Variants in CCDC47 observed in about 807,000 individuals in gnomAD.
The protein encoded by CCDC47 is coiled-coil domain containing 47, also known as PAT complex subunit CCDC47.
Under a neutral mutation model 60.5 loss-of-function variants are expected in CCDC47, and 41 were observed. That is an observed-to-expected ratio of 0.68 (90% CI 0.53 to 0.88). The LOEUF (loss-of-function observed/expected upper bound fraction) is 0.88. CCDC47 is among the 40% of genes least tolerant of loss of function. The probability of loss-of-function intolerance (pLI) is 0.00; values close to 1 mark genes in which losing one functional copy is unlikely to be tolerated. For missense variants in CCDC47, 513 were observed against 580.9 expected (o/e 0.88, Z 1.20); for synonymous variants, 195 against 190.7 (o/e 1.02, Z -0.18).
chr17:63,749,153 T>C (rs2039142971), intron 12 of CCDC47, among the ~76,000 whole-genome samples: 1 of 151,886 alleles, frequency 6.6e-6, no homozygotes, highest in Non-Finnish European at 1.5e-5. Context: ...ACGCCTGTAA[T>C]CCCAGCACTT....
chr17:63,746,704 G>C lies in CCDC47; in HGVS notation c.*177C>G, dbSNP rs1598303412. The stretch of plus-strand genomic sequence containing the variant: ...ATTCTTGAAACAGAGCCCTTTCCAG[G>C]TATCTTCAATCTCTGTAAAACCCCA... On this transcript the variant is annotated 3_prime_UTR_variant, in exon 13 of 13. Transcript: ENST00000225726. 1 of 472,340 alleles carries C rather than the reference G, an allele frequency of 2.1e-6. No homozygotes were observed. Among genetic ancestry groups the C allele is most frequent in the East Asian group, 3.1e-5 (1 of 31,996 alleles). The allele number at this position is 472,340 out of a possible 1,614,324, so 29.3% of individuals were successfully genotyped here. A position where few individuals can be genotyped will look rare whatever the true frequency, so the allele number is the denominator to read the frequency against.
chr17:63,764,828 TC>T lies in CCDC47; in HGVS notation c.283del (p.Glu95AsnfsTer26). 5 of 1,612,988 alleles carry T rather than the reference TC, an allele frequency of 3.1e-6. No individual in the cohort carries two copies. The highest frequency in any genetic ancestry group is 4.2e-6 in the Non-Finnish European group (5 of 1,179,682). ...TTCAAATTCTTCATCATCATATGGT[TC>T]ACTCTCAGTATCTCCCTCCTACAAA... is the stretch of plus-strand genomic sequence containing the variant. ...ADTQEGDTES[E>X]PYDDEEFEGY... On this transcript the variant is annotated frameshift_variant, in exon 3 of 13. Transcript: ENST00000225726. LOFTEE classifies it high-confidence loss of function.
chr17:63,758,063 A>C (rs999647135), intron 6 of CCDC47, among the ~76,000 whole-genome samples: 1 of 151,270 alleles, frequency 6.6e-6, no homozygotes, highest in Non-Finnish European at 1.5e-5. Context: ...TGGTGTGCTC[A>C]GGGAGGGCAT....
In CCDC47 at chr17:63,746,888, G is replaced by A. The variant is rs2039124294; in HGVS notation, c.1445C>T (p.Ala482Val). 2 of 1,612,994 alleles carry A rather than the reference G, an allele frequency of 1.2e-6. No homozygotes were observed. The highest frequency in any genetic ancestry group is 1.7e-6 in the Non-Finnish European group (2 of 1,179,180). ...QMKMKQIKVK[A>V]M ...CAAATCTCTGGGATGGCTTTACATGGCTTTCACTTTGATTTGTTTCATTTT... is the reference window on the plus strand; with the variant it reads ...CAAATCTCTGGGATGGCTTTACATGACTTTCACTTTGATTTGTTTCATTTT... The change falls in exon 13 of 13, where the codon GCC becomes GTC. Residue 482 changes from alanine to valine, a missense_variant. Coordinates refer to ENST00000225726, the MANE Select transcript of CCDC47 (RefSeq NM_020198.3).
In CCDC47 at chr17:63,756,497, A is replaced by G; in HGVS notation, c.809T>C (p.Val270Ala). ...VFAVGTRKAL[V>A]RLQKEMQDLS... ...ATCCTGCATCTCTTTCTGTAGTCGC[A>G]CCAAGGCTTTCCGTGTGCCAACAGC... The change falls in exon 7 of 13, where the codon GTG becomes GCG. Residue 270 changes from valine to alanine, a missense_variant. Val to Ala is a moderately conservative substitution (Grantham distance 64, BLOSUM62 0). Transcript: ENST00000225726. The G allele has an allele frequency of 6.2e-7, 1 of 1,614,112 alleles. No homozygotes were observed. Among genetic ancestry groups the G allele is most frequent in the Non-Finnish European group, 8.5e-7 (1 of 1,179,932 alleles).
chr17:63,763,952 GA>G, intron 4 of CCDC47, 63 bp downstream of exon 4: 1 of 1,346,600 alleles, frequency 7.4e-7, no homozygotes. Context: ...ATACTGAGGG[GA>G]ATACATCATC....
intron 12 of CCDC47, 135 bp from the exon 13 acceptor site, chr17:63,747,096 C>A: frequency 7.2e-7 from 1 of 1,384,666 alleles, no homozygotes; most frequent in Non-Finnish European, 9.4e-7. Flanking sequence ...TAGGCTTGCA[C>A]CATAACATTC....
rs781702378 is a variant in CCDC47 at position 63,770,998 on chromosome 17, AAG to A, written c.-20+2412_-20+2413del. Among the ~76,000 whole-genome samples the A allele has an allele frequency of 1.1e-3, 81 of 75,092 alleles. 7 individuals carry two copies. The highest frequency in any genetic ancestry group is 6.8e-3 in the Middle Eastern group (1 of 146). 49.3% of individuals were successfully genotyped at this position (75,092 alleles called of 152,430 possible). A position where few individuals can be genotyped will look rare whatever the true frequency, so the allele number is the denominator to read the frequency against. ...GCGAGACTGTGTCAAAAAAAAAAAA[AAG>A]AAAGAAAGAAAGAAAGGAAGGAAGG... On this transcript the variant is annotated intron_variant, in intron 1 of 12. Coordinates refer to ENST00000225726, the MANE Select transcript of CCDC47 (RefSeq NM_020198.3).
chr17:63,750,881 C>A (rs1023587629), intron 12 of CCDC47, among the ~76,000 whole-genome samples: 8 of 151,496 alleles, frequency 5.3e-5, no homozygotes, highest in African/African-American at 1.9e-4. Flanking sequence ...GCCACCACGC[C>A]CGGCCTGTCC....
chr17:63,752,188 A>C, intron 11 of CCDC47, 81 bp from the exon 12 acceptor site: 1 of 1,522,898 alleles, frequency 6.6e-7, no homozygotes, highest in South Asian at 1.2e-5. Flanking sequence ...TTCTTTCATA[A>C]AACTACTCCC....
chr17:63,759,577 A>AT lies in CCDC47; in HGVS notation c.735+1336_735+1337insA, dbSNP rs34641007. Among the ~76,000 whole-genome samples the AT allele has an allele frequency of 2.7e-4, 29 of 107,648 alleles. 1 individual carries two copies. The highest frequency in any genetic ancestry group is 4.5e-4 in the Non-Finnish European group (24 of 53,818). 70.6% of individuals were successfully genotyped at this position (107,648 alleles called of 152,430 possible). A position where few individuals can be genotyped will look rare whatever the true frequency, so the allele number is the denominator to read the frequency against. Reference sequence around the variant, plus strand: ...TATATATATATATATATATATATATAAAACAATGATTTTCAATCCAATAAC... The same window carrying AT: ...TATATATATATATATATATATATATATAAACAATGATTTTCAATCCAATAAC... On this transcript the variant is annotated intron_variant, in intron 6 of 12. Transcript: ENST00000225726.
intron 12 of CCDC47, among the ~76,000 whole-genome samples, chr17:63,748,524 G>C (rs143125941): frequency 3.3e-5 from 5 of 151,868 alleles, no homozygotes; most frequent in African/African-American, 9.7e-5. Flanking sequence ...TCCCAGGTTC[G>C]ATCCCAATGT....
At position 63,762,414 on chromosome 17, in the gene CCDC47, A is replaced by G. The variant is rs375599384; in HGVS notation, c.548-1063T>C. ...TCTTGGTTGCAATTTAACAGCTTAGATAAGTTTTAACATTTCTGCCCTTCA... is the reference window on the plus strand; with the variant it reads ...TCTTGGTTGCAATTTAACAGCTTAGGTAAGTTTTAACATTTCTGCCCTTCA... On this transcript the variant is annotated intron_variant, in intron 4 of 12. Coordinates refer to ENST00000225726, the MANE Select transcript of CCDC47 (RefSeq NM_020198.3). Among the ~76,000 whole-genome samples the G allele has an allele frequency of 4.9e-4, 74 of 152,336 alleles. 1 individual carries two copies. The South Asian group carries it at 0.014, about 29-fold the overall frequency.
chr17:63,767,386 T>C (rs1408568625), intron 1 of CCDC47, among the ~76,000 whole-genome samples: 2 of 152,162 alleles, frequency 1.3e-5, no homozygotes, highest in Non-Finnish European at 2.9e-5. Context: ...TATAATGATA[T>C]CATATCTGTG....
chr17:63,754,211 G>A (rs1373796049), intron 9 of CCDC47, among the ~76,000 whole-genome samples: 1 of 152,150 alleles, frequency 6.6e-6, no homozygotes, highest in Non-Finnish European at 1.5e-5. Context: ...GCACAAACAT[G>A]CAGGGACACA....
At chr17:63,769,613 C>CA (rs60378449) in intron 1 of CCDC47, among the ~76,000 whole-genome samples, 10,245 of 98,886 alleles carry the variant, frequency 0.1, 1,425 homozygotes, top group African/African-American at 0.34. Context: ...AACTCCATCT[C>CA]AAAAAAAAAA....
chr17:63,767,879 G>T (rs1400862578), intron 1 of CCDC47, among the ~76,000 whole-genome samples: 13 of 151,994 alleles, frequency 8.6e-5, no homozygotes, highest in South Asian at 6.2e-4. Flanking sequence ...TTGTTGAAAA[G>T]AACAAGATAT....
chr17:63,766,287 T>C, intron 1 of CCDC47, 93 bp from the exon 2 acceptor site: 1 of 1,188,192 alleles, frequency 8.4e-7, no homozygotes, highest in Non-Finnish European at 1.1e-6. Flanking sequence ...CTCTCCTGCT[T>C]TTCTCTTATT....
chr17:63,746,734 C>T lies in CCDC47; in HGVS notation c.*147G>A. 4.8e-6 allele frequency: 3 copies of T among 620,040 alleles called. No individual in the cohort carries two copies. The highest frequency in any genetic ancestry group is 8.5e-6 in the Non-Finnish European group (3 of 352,740). The allele number at this position is 620,040 out of a possible 1,614,324, so 38.4% of individuals were successfully genotyped here. A position where few individuals can be genotyped will look rare whatever the true frequency, so the allele number is the denominator to read the frequency against. ...TTCAATCTCTGTAAAACCCCAAACC[C>T]CAAACAGAGTAGATGATGAAATAAG... is the stretch of plus-strand genomic sequence containing the variant. On this transcript the variant is annotated 3_prime_UTR_variant, in exon 13 of 13. Coordinates refer to ENST00000225726, the MANE Select transcript of CCDC47 (RefSeq NM_020198.3).
Sources: allele counts gnomAD v4.1 joint callset (sites outside exome capture counted in the v4.1 genomes callset), GRCh38; gene constraint gnomAD v4.1.1; transcripts MANE v1.5; gene names NCBI Gene and HGNC (gene_info 2026-07-23, HGNC 2026-07-21).